RXRA: variants seen among roughly 807,000 people sequenced by gnomAD.
RXRA encodes the protein retinoid X receptor alpha.
RXRA carries 5 observed loss-of-function variants against 44.5 expected under a neutral mutation model. The ratio of observed to expected loss-of-function variants is 0.11; its 90% confidence interval spans 0.06 to 0.24. RXRA has a LOEUF of 0.24. Among genes scored for constraint, RXRA ranks in the 10% least tolerant of loss-of-function variants. RXRA has a pLI of 1.00. For synonymous variants in RXRA, 291 were observed against 271.4 expected (o/e 1.07, Z -0.71); for missense variants, 412 against 646.5 (o/e 0.64, Z 3.93).
At chr9:134,387,339 T>C (rs1308766499) in intron 1 of RXRA, among the ~76,000 whole-genome samples, 5 of 152,248 alleles carry the variant, frequency 3.3e-5, no homozygotes, top group Admixed American at 2.6e-4. Flanking sequence ...GGATGCGCTC[T>C]CGGCGCCCAC....
At chr9:134,354,805 G>A (rs1409738729) in intron 1 of RXRA, among the ~76,000 whole-genome samples, 1 of 152,256 alleles carries the variant, frequency 6.6e-6, no homozygotes, top group Non-Finnish European at 1.5e-5. Context: ...AGGCTCCCCA[G>A]GCTGCAATTG....
chr9:134,421,085 C>T (rs975815322), intron 5 of RXRA, among the ~76,000 whole-genome samples: 6 of 152,252 alleles, frequency 3.9e-5, no homozygotes, highest in Non-Finnish European at 5.9e-5. Flanking sequence ...TATCCAGTTT[C>T]GTCAGCTCGC....
At chr9:134,382,875 C>T (rs1359424693) in intron 1 of RXRA, among the ~76,000 whole-genome samples, 1 of 152,176 alleles carries the variant, frequency 6.6e-6, no homozygotes, top group Non-Finnish European at 1.5e-5. Context: ...GACTCTGCCC[C>T]GGTGCTGGGC....
At position 134,401,676 on chromosome 9, in the gene RXRA, C is replaced by G; in HGVS notation, c.73C>G (p.Arg25Gly). 1 of 1,613,072 alleles carries G rather than the reference C, an allele frequency of 6.2e-7. No individual in the cohort carries two copies. Among genetic ancestry groups the G allele is most frequent in the South Asian group, 1.1e-5 (1 of 91,084 alleles). ...VNSSLTSPTG[R>G]GSMAAPSLHP... ...CTCCTCCCTCACCTCCCCGACGGGG[C>G]GAGGCTCCATGGCTGCCCCCTCGCT... Residue 25 changes from arginine (R) to glycine (G), a missense_variant, in exon 2 of 10, where the codon CGA becomes GGA. Physicochemically the swap from Arg to Gly is moderately radical, Grantham distance 125. Around this residue, in one of 4 missense-constraint regions of RXRA, gnomAD observed 156 missense variants for 177.2 expected, o/e 0.88. Coordinates refer to ENST00000481739, the MANE Select transcript of RXRA (RefSeq NM_002957.6).
intron 1 of RXRA, among the ~76,000 whole-genome samples, chr9:134,331,845 G>C (rs1288730523): frequency 6.6e-6 from 1 of 152,250 alleles, no homozygotes; most frequent in Non-Finnish European, 1.5e-5. Flanking sequence ...TCCCCAGGGT[G>C]GGGGCTCTGC....
chr9:134,379,975 C>T (rs34532248), intron 1 of RXRA: 730,322 of 985,166 alleles, frequency 0.74, 273,869 homozygotes, highest in Non-Finnish European at 0.77. Context: ...GTGGAGGCCT[C>T]GGGGCTGTCG....
Position 134,426,633 on chromosome 9 carries a change from G to A in RXRA, c.911-2475G>A. 1.0e-6 allele frequency: 1 copy of A among 985,420 alleles called. No individual in the cohort carries two copies. The highest frequency in any genetic ancestry group is 1.2e-6 in the Non-Finnish European group (1 of 829,928). The allele number at this position is 985,420 out of a possible 1,614,324, so 61.0% of individuals were successfully genotyped here. On this transcript the variant is annotated intron_variant, in intron 6 of 9. Transcript: ENST00000481739. The surrounding 1 kb of genome is among the most constrained non-coding windows in gnomAD (Gnocchi z 4.6). ...AGCCGTGCACTAGGCCCCTCTGCTG[G>A]GCACACCAGAGTTTCAGAGGCGAGT...
At chr9:134,376,809 T>A (rs1447060478) in intron 1 of RXRA, among the ~76,000 whole-genome samples, 2 of 152,148 alleles carry the variant, frequency 1.3e-5, no homozygotes, top group Non-Finnish European at 2.9e-5. Context: ...GCCCTAGGGA[T>A]CTGGCTGGGC....
At chr9:134,381,063 G>C (rs1303806230) in intron 1 of RXRA, among the ~76,000 whole-genome samples, 1 of 152,216 alleles carries the variant, frequency 6.6e-6, no homozygotes, top group Non-Finnish European at 1.5e-5. Context: ...CTGTGACCCG[G>C]ACAAGGGGTT....
intron 1 of RXRA, among the ~76,000 whole-genome samples, chr9:134,401,154 T>C (rs1830952638): frequency 6.6e-6 from 1 of 152,238 alleles, no homozygotes; most frequent in South Asian, 2.1e-4. Flanking sequence ...CGCTCAGAAC[T>C]GACCAGGTCC....
At chr9:134,427,118 T>G in intron 6 of RXRA, 1 of 984,256 alleles carries the variant, frequency 1.0e-6, no homozygotes, top group Non-Finnish European at 1.2e-6. Context: ...GGGCCTCTTC[T>G]AGATTAGACT....
chr9:134,371,514 C>T (rs1462194915), intron 1 of RXRA, among the ~76,000 whole-genome samples: 2 of 152,010 alleles, frequency 1.3e-5, no homozygotes, highest in Non-Finnish European at 2.9e-5. Context: ...CTGGGGGCAC[C>T]GTCTCTTTCC....
chr9:134,414,394 G>C (rs1831199615), intron 4 of RXRA, among the ~76,000 whole-genome samples: 1 of 152,252 alleles, frequency 6.6e-6, no homozygotes, highest in Non-Finnish European at 1.5e-5. Flanking sequence ...GGAGGCTCCG[G>C]TGACAGCTCT....
chr9:134,370,493 A>G (rs1830478314), intron 1 of RXRA, among the ~76,000 whole-genome samples: 2 of 152,204 alleles, frequency 1.3e-5, no homozygotes, highest in African/African-American at 4.8e-5. Flanking sequence ...CATCACCTCT[A>G]CAGGACAAGG....
chr9:134,424,102 G>A (rs1276199839), intron 6 of RXRA: 19 of 980,810 alleles, frequency 1.9e-5, no homozygotes, highest in Non-Finnish European at 2.3e-5. Flanking sequence ...GGAGTGCGGT[G>A]CTGAGGGCCT....
chr9:134,429,676 G>A (rs1021524951), intron 7 of RXRA, among the ~76,000 whole-genome samples: 1 of 152,164 alleles, frequency 6.6e-6, no homozygotes, highest in Non-Finnish European at 1.5e-5. Context: ...CAGGGGTGTC[G>A]GGACCGCAGT....
intron 1 of RXRA, among the ~76,000 whole-genome samples, chr9:134,354,770 C>T (rs959108106): frequency 1.3e-5 from 2 of 152,258 alleles, no homozygotes; most frequent in African/African-American, 4.8e-5. Flanking sequence ...TGGGCCAAAC[C>T]TGCCTCCGCT....
intron 6 of RXRA, chr9:134,427,213 C>T (rs888910688): frequency 2.1e-6 from 2 of 975,334 alleles, no homozygotes; most frequent in Non-Finnish European, 2.4e-6. Flanking sequence ...GAAAATCTGG[C>T]TGGGCAGTGT....
At chr9:134,427,498 C>T (rs982092874) in intron 6 of RXRA, among the ~76,000 whole-genome samples, 1 of 152,222 alleles carries the variant, frequency 6.6e-6, no homozygotes, top group African/African-American at 2.4e-5. Flanking sequence ...GCACAGACCC[C>T]ACCGTTCCTC....
Sources: gnomAD v4.1 joint callset for allele counts (sites outside exome capture counted in the v4.1 genomes callset) on GRCh38, gnomAD v4.1.1 for gene constraint, gnomAD v4.1.1 regional missense constraint, Gnocchi (gnomAD v3.1) non-coding constraint, MANE v1.5 for transcripts, NCBI Gene and HGNC (gene_info 2026-07-23, HGNC 2026-07-21) for gene names.